The following TAF1 variants were observed in gnomAD, a reference collection of about 807,000 sequenced individuals.
The protein encoded by TAF1 is TATA-box binding protein associated factor 1.
Under a neutral mutation model 138.5 loss-of-function variants are expected in TAF1, and 2 were observed. That is an observed-to-expected ratio of 0.01 (90% CI 0.01 to 0.05). TAF1 has a LOEUF of 0.05. Among genes scored for constraint, TAF1 ranks in the 10% least tolerant of loss-of-function variants. The pLI, the probability that TAF1 is intolerant of heterozygous loss-of-function variation, is 1.00. For missense variants in TAF1, 709 were observed against 1,478.0 expected, an observed-to-expected ratio of 0.48 and a Z score of 8.53; for synonymous variants, 437 against 503.2, an observed-to-expected ratio of 0.87 and a Z score of 1.76.
intron 25 of TAF1, among the ~76,000 whole-genome samples, chrX:71,402,107 C>T (rs2035206404): frequency 9.0e-6 from 1 of 110,671 alleles, no homozygotes; most frequent in Non-Finnish European, 1.9e-5. Flanking sequence ...ATAATATTTG[C>T]AAGGTCCCTA....
intron 13 of TAF1, among the ~76,000 whole-genome samples, chrX:71,483,768 C>CTATATATATA (rs1456164128): frequency 1.3e-5 from 1 of 77,536 alleles, no homozygotes; most frequent in African/African-American, 5.3e-5. Flanking sequence ...CTCTCTCTCT[C>CTATATATATA]TCTCTCTCTC....
intron 13 of TAF1, among the ~76,000 whole-genome samples, chrX:71,475,584 CAAAAAAAAAAAAAAA>C (rs78014278): frequency 2.4e-5 from 1 of 41,488 alleles, no homozygotes; most frequent in Non-Finnish European, 4.3e-5. Context: ...GACTCCGTTT[CAAAAAAAAAAAAAAA>C]AGAAAAAGAA....
rs750046242 is a variant in TAF1, at chrX:71,392,521, T to TAGAAC, written c.2782-46_2782-42dup. ...TACTCTTGTAGATATTGGCTAGACATAGAACAAATGTTTCCCACTGCCCTG... is the reference window on the plus strand; with the variant it reads ...TACTCTTGTAGATATTGGCTAGACATAGAACAGAACAAATGTTTCCCACTGCCCTG... On this transcript the variant is annotated intron_variant, in intron 18 of 37. Coordinates refer to ENST00000423759, the MANE Select transcript of TAF1 (RefSeq NM_004606.5). The TAGAAC allele has an allele frequency of 1.1e-5, 12 of 1,115,739 alleles. No individual in the cohort carries two copies. In the East Asian group the frequency reaches 3.7e-4, roughly 35 times the overall value. The allele number at this position is 1,115,739 out of a possible 1,213,427, so 91.9% of individuals were successfully genotyped here.
chrX:71,505,117 C>T (rs916143951), intron 13 of TAF1, among the ~76,000 whole-genome samples: 5 of 109,098 alleles, frequency 4.6e-5, no homozygotes, highest in Admixed American at 4.0e-4. Context: ...GGCAACAGAG[C>T]GAGACCCCAT....
intron 13 of TAF1, chrX:71,484,967 G>A (rs962567823): frequency 3.5e-4 from 39 of 111,997 alleles, no homozygotes; most frequent in African/African-American, 1.2e-3. Context: ...TCAAGGAACT[G>A]AGACCCTCAG....
At position 71,384,078 on chromosome X, in the gene TAF1, T is replaced by C. The variant is rs747910070; in HGVS notation, c.2064T>C (p.Asn688=). The change falls in exon 13 of 38, where the codon AAT becomes AAC. Residue 688 remains asparagine, a synonymous_variant. Transcript: ENST00000423759. The part of the protein sequence containing the change: ...DLILAEYSEE[N]GPLMMQVGMA... The stretch of plus-strand genomic sequence containing the variant: ...TTCTTGCAGAATATAGTGAGGAAAA[T>C]GGACCCTTAATGATGCAGGTTGGCA... 1.7e-6 allele frequency: 2 copies of C among 1,209,333 alleles called. No homozygotes were observed. Among genetic ancestry groups the C allele is most frequent in the South Asian group, 1.8e-5 (1 of 56,784 alleles).
At position 71,459,683 on chromosome X, in the gene TAF1, T is replaced by C. The variant is rs1447850129; in HGVS notation, c.5196T>C (p.Asp1732=). The part of the protein sequence containing the change: ...GEDDEEDAGS[D]EEGDNPFSAI... ...ATGATGAGGAAGATGCTGGGAGTGA[T>C]GAAGAAGGAGACAATCCTTTCTCTG... The change falls in exon 36 of 38, where the codon GAT becomes GAC. Residue 1732 remains aspartate, a synonymous_variant. Coordinates refer to ENST00000423759, the MANE Select transcript of TAF1 (RefSeq NM_004606.5). 1 of 1,209,288 alleles carries C rather than the reference T, an allele frequency of 8.3e-7. No homozygotes were observed. Among genetic ancestry groups the C allele is most frequent in the African/African-American group, 1.8e-5 (1 of 57,007 alleles).
Position 71,366,502 on chromosome X carries a change from G to T in TAF1, c.120+8G>T. On this transcript the variant is annotated splice_region_variant and intron_variant, in intron 1 of 37. Transcript: ENST00000423759. ...GAAAGCGTCTTGGATGATGTGAGGG[G>T]GTGGGCGTGGGGGTAGGGCTCGGGG... 9.0e-7 allele frequency: 1 copy of T among 1,112,965 alleles called. No homozygotes were observed. Among genetic ancestry groups the T allele is most frequent in the Non-Finnish European group, 1.2e-6 (1 of 834,797 alleles). 91.7% of individuals were successfully genotyped at this position (1,112,965 alleles called of 1,213,427 possible).
chrX:71,447,571 C>A (rs2037751127), intron 32 of TAF1, among the ~76,000 whole-genome samples: 1 of 109,881 alleles, frequency 9.1e-6, no homozygotes, highest in South Asian at 3.9e-4. Flanking sequence ...TGGTGCACAC[C>A]TGTAATTCCA....
At chrX:71,429,001 C>T (rs992233495) in intron 32 of TAF1, among the ~76,000 whole-genome samples, 1 of 111,442 alleles carries the variant, frequency 9.0e-6, no homozygotes, top group South Asian at 3.7e-4. Context: ...GGAGGCCGGG[C>T]GCGGTGGCTC....
chrX:71,389,695 A>G (rs757476960), intron 18 of TAF1, 30 bp downstream of exon 18: 38 of 1,049,828 alleles, frequency 3.6e-5, no homozygotes, highest in Admixed American at 3.2e-4. Context: ...TGTATTAGTC[A>G]TTAATACATC....
At chrX:71,383,309 C>T (rs1035872342) in intron 12 of TAF1, 145 bp downstream of exon 12, 27 of 727,116 alleles carry the variant, frequency 3.7e-5, no homozygotes, top group Non-Finnish European at 4.9e-5. Context: ...AGGAGAATGT[C>T]TTTATTGTTA....
intron 37 of TAF1, among the ~76,000 whole-genome samples, chrX:71,462,520 C>T (rs776809982): frequency 2.7e-5 from 3 of 110,900 alleles, no homozygotes; most frequent in Admixed American, 1.9e-4. Context: ...TGCAGTGAGC[C>T]GAGATCGTGC....
At chrX:71,505,728 T>C (rs1039686617) in intron 13 of TAF1, among the ~76,000 whole-genome samples, 2 of 111,655 alleles carry the variant, frequency 1.8e-5, no homozygotes, top group African/African-American at 6.5e-5. Flanking sequence ...AGGTAAAAAC[T>C]AAAGGAATCT....
intron 13 of TAF1, among the ~76,000 whole-genome samples, chrX:71,480,702 A>C: frequency 8.9e-6 from 1 of 111,823 alleles, no homozygotes; most frequent in Non-Finnish European, 1.9e-5. Context: ...AGAACACTAA[A>C]GTAATATAAT....
chrX:71,507,595 C>T (rs754770734), intron 13 of TAF1, among the ~76,000 whole-genome samples: 2 of 110,204 alleles, frequency 1.8e-5, no homozygotes, highest in Admixed American at 1.9e-4. Context: ...CAAGTGTGTG[C>T]CACCAAGCCC....
At chrX:71,410,245 C>T (rs1394287353) in intron 28 of TAF1, among the ~76,000 whole-genome samples, 3 of 109,903 alleles carry the variant, frequency 2.7e-5, no homozygotes, top group East Asian at 5.7e-4. Context: ...ACTGTTATAA[C>T]CCTCATTTTC....
chrX:71,487,454 G>C (rs778202897), intron 13 of TAF1, among the ~76,000 whole-genome samples: 1 of 106,756 alleles, frequency 9.4e-6, no homozygotes, highest in Non-Finnish European at 1.9e-5. Context: ...CTCCCGAGTA[G>C]CTGGGATTAC....
rs796278349 is a variant in TAF1, at chrX:71,507,441, G to A, written c.1367-21101G>A. On this transcript the variant is annotated intron_variant and NMD_transcript_variant, in intron 13 of 14. Transcript: ENST00000373775. ...GATGAGATGTCACTATGTTGCCCAA[G>A]CTGGTCTTGAACTCCTGGCCTCAAG... Among the ~76,000 whole-genome samples the A allele has an allele frequency of 3.6e-5, 4 of 110,898 alleles. No individual in the cohort carries two copies. The South Asian group carries it at 1.5e-3, about 42-fold the overall frequency.
Sources: allele counts gnomAD v4.1 joint callset (sites outside exome capture counted in the v4.1 genomes callset), GRCh38; gene constraint gnomAD v4.1.1; transcripts MANE v1.5; gene names NCBI Gene and HGNC (gene_info 2026-07-23, HGNC 2026-07-21).